Variants in CDH5 observed in about 807,000 individuals in gnomAD.
The protein encoded by CDH5 is cadherin 5.
Under a neutral mutation model 62.0 loss-of-function variants are expected in CDH5, and 28 were observed. That is an observed-to-expected ratio of 0.45 (90% CI 0.33 to 0.62). The LOEUF (loss-of-function observed/expected upper bound fraction) is 0.62. CDH5 is among the 20% of genes least tolerant of loss of function. CDH5 has a pLI of 0.02. For synonymous variants in CDH5, 464 were observed against 445.8 expected, an observed-to-expected ratio of 1.04 and a Z score of -0.52; for missense variants, 940 against 1,065.1, an observed-to-expected ratio of 0.88 and a Z score of 1.63.
chr16:66,382,175 G>A (rs1402153825), intron 2 of CDH5, among the ~76,000 whole-genome samples: 1 of 152,222 alleles, frequency 6.6e-6, no homozygotes, highest in African/African-American at 2.4e-5. Context: ...AACCATGGCT[G>A]CCATGAAATT....
intron 10 of CDH5, among the ~76,000 whole-genome samples, chr16:66,400,038 T>C (rs978742675): frequency 3.9e-5 from 6 of 152,216 alleles, no homozygotes; most frequent in African/African-American, 1.4e-4. Flanking sequence ...CCTGGGACCC[T>C]GCAAAAGGCA....
rs987541897 is a variant in CDH5, at chr16:66,400,827, G to A, written c.1648G>A (p.Val550Ile). Residue 550 changes from valine to isoleucine, a missense_variant, in exon 11 of 12, where the codon GTC (valine) becomes ATC (isoleucine). Val to Ile is a conservative substitution (Grantham distance 29). Transcript: ENST00000341529. The part of the protein sequence containing the change: ...YGQFDREHTK[V>I]HFLPVVISDN... ...GCAGTTTGACCGGGAGCATACCAAG[G>A]TCCACTTCCTACCCGTGGTCATCTC... is the stretch of plus-strand genomic sequence containing the variant. 1.2e-6 allele frequency: 2 copies of A among 1,614,234 alleles called. No homozygotes were observed. The highest frequency in any genetic ancestry group is 1.7e-6 in the Non-Finnish European group (2 of 1,180,038).
At chr16:66,396,831 C>G (rs1187026908) in intron 8 of CDH5, among the ~76,000 whole-genome samples, 8 of 152,124 alleles carry the variant, frequency 5.3e-5, no homozygotes, top group Non-Finnish European at 1.0e-4. Context: ...CCCACTTTAC[C>G]CAGGAGCCCG....
At chr16:66,388,571 G>A (rs1961026924) in intron 4 of CDH5, 131 bp downstream of exon 4, 1 of 670,906 alleles carries the variant, frequency 1.5e-6, no homozygotes, top group South Asian at 1.8e-5. Context: ...ACTGTACCAT[G>A]GAAGTAGTCA....
chr16:66,384,573 TGA>T (rs1402015777), intron 2 of CDH5, among the ~76,000 whole-genome samples: 1 of 148,356 alleles, frequency 6.7e-6, no homozygotes, highest in Non-Finnish European at 1.5e-5. Context: ...GACAACATAG[TGA>T]GACCTCATCT....
Position 66,390,435 on chromosome 16 carries a change from C to G in CDH5, c.814C>G (p.Arg272Gly). Residue 272 changes from arginine (R) to glycine (G), a missense_variant, in exon 6 of 12, where the codon CGT becomes GGT. Arg to Gly is a moderately radical substitution (Grantham distance 125). Coordinates refer to ENST00000341529, the MANE Select transcript of CDH5 (RefSeq NM_001795.5). ...KYTFVVPEDTRVGTSVGSLFV... is the reference protein window; with the variant it reads ...KYTFVVPEDTGVGTSVGSLFV... ...CACATTTGTCGTGCCTGAAGACACC[C>G]GTGTGGGCACCTCTGTGGGCTCTCT... The G allele has an allele frequency of 6.2e-7, 1 of 1,614,006 alleles. No individual in the cohort carries two copies. Among genetic ancestry groups the G allele is most frequent in the Non-Finnish European group, 8.5e-7 (1 of 1,179,952 alleles).
At position 66,402,702 on chromosome 16, in the gene CDH5, G is replaced by A. The variant is rs763286143; in HGVS notation, c.1888G>A (p.Ala630Thr). Residue 630 changes from alanine to threonine, a missense_variant, in exon 12 of 12, where the codon GCG (alanine) becomes ACG (threonine). Physicochemically the swap from Ala to Thr is moderately conservative, Grantham distance 58. Transcript: ENST00000341529. ...GCGGCGGCTCCGGAAGCAGGCCCGC[G>A]CGCACGGCAAGAGCGTGCCGGAGAT... ...LRRRLRKQAR[A>T]HGKSVPEIHE... 6.0e-5 allele frequency: 97 copies of A among 1,608,700 alleles called. No homozygotes were observed. The highest frequency in any genetic ancestry group is 7.8e-5 in the Non-Finnish European group (92 of 1,178,938).
intron 5 of CDH5, among the ~76,000 whole-genome samples, chr16:66,390,077 G>A (rs1048630400): frequency 6.6e-6 from 1 of 152,198 alleles, no homozygotes; most frequent in East Asian, 1.9e-4. Context: ...CTAGAGACAG[G>A]CCAATTGTCC....
At chr16:66,387,541 C>G (rs1961008232) in intron 3 of CDH5, among the ~76,000 whole-genome samples, 1 of 152,234 alleles carries the variant, frequency 6.6e-6, no homozygotes, top group Non-Finnish European at 1.5e-5. Flanking sequence ...AGCCCTGATT[C>G]TGATCATGGA....
chr16:66,402,968 C>T lies in CDH5; in HGVS notation c.2154C>T (p.His718=). ...AGGTGAAGAAGGACGAGGCGGACCACGACGGCGACGGCCCCCCCTACGACA... is the reference window on the plus strand; with the variant it reads ...AGGTGAAGAAGGACGAGGCGGACCATGACGGCGACGGCCCCCCCTACGACA... ...MIEVKKDEAD[H]DGDGPPYDTL... Residue 718 remains histidine (H), a synonymous_variant, in exon 12 of 12, where the codon CAC becomes CAT. Transcript: ENST00000341529. The T allele has an allele frequency of 1.2e-6, 2 of 1,612,896 alleles. No homozygotes were observed. Among genetic ancestry groups the T allele is most frequent in the South Asian group, 2.2e-5 (2 of 91,012 alleles).
In CDH5 at chr16:66,403,500, A is replaced by T. The variant is rs1218512140; in HGVS notation, c.*331A>T. On this transcript the variant is annotated 3_prime_UTR_variant, in exon 12 of 12. Transcript: ENST00000341529. This position sits in a 1 kb window ranked among gnomAD's most constrained non-coding sequence, Gnocchi z 4.3. ...TCCCCAAGGCTGCAAAGCAAAACAGACTGTGTTTAACTGCTGCAGGGTCTT... is the reference window on the plus strand; with the variant it reads ...TCCCCAAGGCTGCAAAGCAAAACAGTCTGTGTTTAACTGCTGCAGGGTCTT... The T allele has an allele frequency of 9.0e-6, 3 of 335,068 alleles. No homozygotes were observed. In the East Asian group the frequency reaches 2.1e-4, roughly 23 times the overall value. 20.8% of individuals were successfully genotyped at this position (335,068 alleles called of 1,614,324 possible).
chr16:66,373,804 C>T (rs946827653), intron 1 of CDH5, among the ~76,000 whole-genome samples: 2 of 152,100 alleles, frequency 1.3e-5, no homozygotes, highest in South Asian at 2.1e-4. Context: ...AGAAAAAGAT[C>T]GATCTGATGA....
At position 66,403,068 on chromosome 16, in the gene CDH5, G is replaced by C; in HGVS notation, c.2254G>C (p.Asp752His). The change falls in exon 12 of 12, where the codon GAC (aspartate) becomes CAC (histidine). Residue 752 changes from aspartate (D) to histidine (H), a missense_variant. By Grantham distance (81) the Asp-to-His change is moderately conservative (BLOSUM62 -1). Transcript: ENST00000341529. The surrounding 1 kb of genome is among the most constrained non-coding windows in gnomAD (Gnocchi z 4.3). Reference sequence around the variant, plus strand: ...CAGCTCCCTGGGCACCGACTCATCCGACTCTGACGTGGATTACGACTTCCT... The same window carrying C: ...CAGCTCCCTGGGCACCGACTCATCCCACTCTGACGTGGATTACGACTTCCT... The part of the protein sequence containing the change: ...SLSSLGTDSS[D>H]SDVDYDFLND... 6.2e-7 allele frequency: 1 copy of C among 1,613,676 alleles called. No homozygotes were observed. The highest frequency in any genetic ancestry group is 8.5e-7 in the Non-Finnish European group (1 of 1,179,876).
At chr16:66,399,719 C>T (rs1042415741) in intron 10 of CDH5, among the ~76,000 whole-genome samples, 1 of 152,148 alleles carries the variant, frequency 6.6e-6, no homozygotes, top group African/African-American at 2.4e-5. Context: ...GATTCAGTGC[C>T]ACCCCAAAGA....
At chr16:66,370,147 T>C (rs376178779) in intron 1 of CDH5, among the ~76,000 whole-genome samples, 19 of 152,266 alleles carry the variant, frequency 1.2e-4, no homozygotes, top group African/African-American at 3.8e-4. Flanking sequence ...ATTACAGGCA[T>C]GTGCTACCAT....
At chr16:66,370,636 C>A (rs1960669982) in intron 1 of CDH5, among the ~76,000 whole-genome samples, 3 of 152,120 alleles carry the variant, frequency 2.0e-5, no homozygotes, top group Admixed American at 1.3e-4. Flanking sequence ...AACTCTTAGG[C>A]CCAGAACCTG....
chr16:66,366,903 C>T (rs1960597404), intron 1 of CDH5, 145 bp downstream of exon 1: 1 of 152,388 alleles, frequency 6.6e-6, no homozygotes, highest in South Asian at 2.1e-4. Flanking sequence ...GCTGGGCCTC[C>T]TCGTGGCTCA....
Position 66,392,194 on chromosome 16 carries a change from C to T in CDH5, c.1028C>T (p.Thr343Ile), listed in dbSNP as rs1961097588. The change falls in exon 7 of 12, where the codon ACC becomes ATC. Residue 343 changes from threonine to isoleucine, a missense_variant. By Grantham distance (89) the Thr-to-Ile change is moderately conservative. Transcript: ENST00000341529. ...TTCATCGTCGAGGCCACAGACCCCA[C>T]CATCGACCTCCGATACATGAGCCCT... ...YSFIVEATDP[T>I]IDLRYMSPPA... is the part of the protein sequence containing the mutation. 6.2e-7 allele frequency: 1 copy of T among 1,614,170 alleles called. No homozygotes were observed. Among genetic ancestry groups the T allele is most frequent in the Non-Finnish European group, 8.5e-7 (1 of 1,180,032 alleles).
intron 1 of CDH5, among the ~76,000 whole-genome samples, chr16:66,371,761 T>C (rs1596924109): frequency 6.6e-6 from 1 of 151,592 alleles, no homozygotes; most frequent in East Asian, 1.9e-4. Flanking sequence ...GGGCAGGGGG[T>C]CCTCCTGGTG....
Sources: gnomAD v4.1 joint callset for allele counts (sites outside exome capture counted in the v4.1 genomes callset) on GRCh38, gnomAD v4.1.1 for gene constraint, Gnocchi (gnomAD v3.1) non-coding constraint, MANE v1.5 for transcripts, NCBI Gene and HGNC (gene_info 2026-07-23, HGNC 2026-07-21) for gene names.